The following PCDHGA3 variants were observed in gnomAD, a reference collection of about 807,000 sequenced individuals.
The protein encoded by PCDHGA3 is protocadherin gamma-A3.
In PCDHGA3, 40 loss-of-function variants were observed where a neutral mutation model predicts 58.5. The ratio of observed to expected loss-of-function variants is 0.68; its 90% CI spans 0.53 to 0.89. The LOEUF is 0.89. PCDHGA3 is among the 40% of genes least tolerant of loss of function. The pLI is 0.00. For synonymous variants in PCDHGA3, 530 were observed against 525.7 expected, an observed-to-expected ratio of 1.01 and a Z score of -0.11; for missense variants, 1,223 against 1,195.9, an observed-to-expected ratio of 1.02 and a Z score of -0.33.
At chr5:141,419,792 G>T (rs1379811891) in intron 1 of PCDHGA3, 15 of 1,613,924 alleles carry the variant, frequency 9.3e-6, no homozygotes, top group African/African-American at 2.7e-5. Flanking sequence ...CCTGCTAGTC[G>T]CTGTAAGAGA....
chr5:141,509,024 C>T (rs2099873840), intron 3 of PCDHGA3, among the ~76,000 whole-genome samples: 1 of 152,108 alleles, frequency 6.6e-6, no homozygotes, highest in African/African-American at 2.4e-5. Flanking sequence ...GCTGCTCCCT[C>T]CCACTCAACC....
In PCDHGA3 at chr5:141,345,037, T is replaced by C. The variant is rs199985204; in HGVS notation, c.1004T>C (p.Val335Ala). 1.4e-4 allele frequency: 220 copies of C among 1,613,844 alleles called. 1 individual carries two copies. Among genetic ancestry groups the C allele is most frequent in the Non-Finnish European group, 1.8e-4 (211 of 1,179,896 alleles). Residue 335 changes from valine to alanine, a missense_variant, in exon 1 of 4, where the codon GTC becomes GCC. Val to Ala is a moderately conservative substitution (Grantham distance 64). Transcript: ENST00000253812. Reference protein sequence around the residue: ...PGLLSRAKILVTVLDVNDNAP... With the variant: ...PGLLSRAKILATVLDVNDNAP... ...CTTCTTTCAAGAGCCAAGATTCTAG[T>C]CACGGTTCTGGATGTGAATGACAAT...
At chr5:141,438,630 A>T (rs1232206839) in intron 1 of PCDHGA3, among the ~76,000 whole-genome samples, 1 of 38,920 alleles carries the variant, frequency 2.6e-5, no homozygotes, top group East Asian at 8.1e-4. Context: ...ATATATATAT[A>T]TATATACACA....
chr5:141,420,047 G>T lies in PCDHGA3; in HGVS notation c.2424+73590G>T. ...TACTGCAGGAGACTGCTTTGAGTCA[G>T]TTCTCTGCTCCAAGTCCGGACCTGT... On this transcript the variant is annotated intron_variant, in intron 1 of 3. Coordinates refer to ENST00000253812, the MANE Select transcript of PCDHGA3 (RefSeq NM_018916.4). 3 of 1,614,076 alleles carry T rather than the reference G, an allele frequency of 1.9e-6. No individual in the cohort carries two copies. The South Asian group carries it at 3.3e-5, about 18-fold the overall frequency.
Position 141,490,457 on chromosome 5 carries a change from T to C in PCDHGA3, c.2425-4350T>C. 1 of 1,614,214 alleles carries C rather than the reference T, an allele frequency of 6.2e-7. No homozygotes were observed. Among genetic ancestry groups the C allele is most frequent in the Non-Finnish European group, 8.5e-7 (1 of 1,180,042 alleles). ...AAGCCTTCTGAGAACCACTACTCGC[T>C]GCTAACCAGCCAGCCTTTGGACCGG... On this transcript the variant is annotated intron_variant, in intron 1 of 3. Coordinates refer to ENST00000253812, the MANE Select transcript of PCDHGA3 (RefSeq NM_018916.4). The surrounding 1 kb of genome is among the most constrained non-coding windows in gnomAD (Gnocchi z 5.4).
At chr5:141,375,208 C>G in intron 1 of PCDHGA3, 2 of 1,613,958 alleles carry the variant, frequency 1.2e-6, no homozygotes, top group Non-Finnish European at 8.5e-7. Flanking sequence ...TCGATCGAGA[C>G]TCTGGCCTGA....
chr5:141,349,375 A>G (rs2149752585), intron 1 of PCDHGA3, among the ~76,000 whole-genome samples: 1 of 152,240 alleles, frequency 6.6e-6, no homozygotes, highest in Non-Finnish European at 1.5e-5. Flanking sequence ...AGAGTATTTA[A>G]TATACATTCA....
chr5:141,355,254 T>G (rs754855559), intron 1 of PCDHGA3: 1 of 1,613,332 alleles, frequency 6.2e-7, no homozygotes, highest in South Asian at 1.1e-5. Flanking sequence ...AGATCTGCCT[T>G]CTCCTGGGGG....
chr5:141,485,466 T>C lies in PCDHGA3; in HGVS notation c.2425-9341T>C, dbSNP rs1485922901. ...ATCGACCGAGAGGCACTGTGTGGGC[T>C]CAGTGCCAGCTGCATCGTGCCCCTG... On this transcript the variant is annotated intron_variant, in intron 1 of 3. Transcript: ENST00000253812. The surrounding 1 kb of genome is among the most constrained non-coding windows in gnomAD (Gnocchi z 5.7). 6.2e-7 allele frequency: 1 copy of C among 1,613,868 alleles called. No individual in the cohort carries two copies. Among genetic ancestry groups the C allele is most frequent in the Non-Finnish European group, 8.5e-7 (1 of 1,179,924 alleles).
chr5:141,451,299 A>T (rs1016384424), intron 1 of PCDHGA3, among the ~76,000 whole-genome samples: 17 of 152,228 alleles, frequency 1.1e-4, no homozygotes, highest in African/African-American at 3.4e-4. Flanking sequence ...AAAGTCTTAC[A>T]AGGCAGCAAT....
chr5:141,443,163 T>C (rs1054542792), intron 1 of PCDHGA3, among the ~76,000 whole-genome samples: 3 of 152,172 alleles, frequency 2.0e-5, no homozygotes, highest in Non-Finnish European at 4.4e-5. Context: ...TTTATTTCCC[T>C]ACCCATGTCC....
At chr5:141,366,288 C>G (rs1020562585) in intron 1 of PCDHGA3, 1 of 1,613,748 alleles carries the variant, frequency 6.2e-7, no homozygotes, top group Non-Finnish European at 8.5e-7. Flanking sequence ...GGCCAGCCCC[C>G]TCTGTCAGCC....
At chr5:141,415,614 G>A (rs1476229913) in intron 1 of PCDHGA3, 1 of 1,612,128 alleles carries the variant, frequency 6.2e-7, no homozygotes, top group Admixed American at 1.7e-5. Flanking sequence ...TGGTTCCAGT[G>A]AGTTTTATTT....
intron 1 of PCDHGA3, chr5:141,372,682 C>A (rs1169357229): frequency 1.9e-6 from 3 of 1,614,010 alleles, no homozygotes; most frequent in Non-Finnish European, 2.5e-6. Flanking sequence ...TCCTCAAACA[C>A]CGAGTTTAAA....
chr5:141,510,069 CCAGCAGAGTGCCTGG>C (rs994886462), intron 3 of PCDHGA3, among the ~76,000 whole-genome samples: 12 of 152,260 alleles, frequency 7.9e-5, no homozygotes, highest in Admixed American at 7.8e-4. Context: ...TGTGAAGCAT[CCAGCAGAGTGCCTGG>C]CACACAGTAG....
At position 141,362,587 on chromosome 5, in the gene PCDHGA3, G is replaced by A. The variant is rs747611453; in HGVS notation, c.2424+16130G>A. The A allele has an allele frequency of 3.8e-6, 6 of 1,594,472 alleles. No individual in the cohort carries two copies. In the East Asian group the frequency reaches 1.3e-4, roughly 36 times the overall value. On this transcript the variant is annotated intron_variant, in intron 1 of 3. Coordinates refer to ENST00000253812, the MANE Select transcript of PCDHGA3 (RefSeq NM_018916.4). ...CTTTAATTAATTTATTTTCACTTCT[G>A]GTTTTATTGTTTCACCTAATTTGGG...
In PCDHGA3 at chr5:141,418,608, GC is replaced by G. The variant is rs1422456031; in HGVS notation, c.2424+72153del. On this transcript the variant is annotated intron_variant, in intron 1 of 3. Transcript: ENST00000253812. Reference sequence around the variant, plus strand: ...TTCAGCCAGGACGTGTACAGGGTTAGCCTTCGGGAAGACGTGCCTCCAGGCA... The same window carrying G: ...TTCAGCCAGGACGTGTACAGGGTTAGCTTCGGGAAGACGTGCCTCCAGGCA... 4 of 1,613,922 alleles carry G rather than the reference GC, an allele frequency of 2.5e-6. No individual in the cohort carries two copies. In the African/African-American group the frequency reaches 5.3e-5, roughly 22 times the overall value.
intron 1 of PCDHGA3, chr5:141,383,154 C>A: frequency 6.2e-7 from 1 of 1,614,112 alleles, no homozygotes; most frequent in South Asian, 1.1e-5. Context: ...GCAGCTTGGT[C>A]ACTGCGGGCA....
chr5:141,399,495 T>C, intron 1 of PCDHGA3: 1 of 1,614,034 alleles, frequency 6.2e-7, no homozygotes, highest in Non-Finnish European at 8.5e-7. Context: ...ACTTAGTCAG[T>C]GTACCCGAAA....
Sources: gnomAD v4.1 joint callset for allele counts (sites outside exome capture counted in the v4.1 genomes callset) on GRCh38, gnomAD v4.1.1 for gene constraint, Gnocchi (gnomAD v3.1) non-coding constraint, MANE v1.5 for transcripts, NCBI Gene and HGNC (gene_info 2026-07-23, HGNC 2026-07-21) for gene names.